ARX: variants seen among roughly 807,000 people sequenced by gnomAD.
ARX encodes the protein homeobox protein ARX.
In ARX, 1 loss-of-function variant was observed where a neutral mutation model predicts 23.1. The observed-to-expected ratio is 0.04, with a 90% CI of 0.02 to 0.21. The LOEUF (loss-of-function observed/expected upper bound fraction) is 0.21. Ranked by LOEUF, ARX falls within the 10% of genes least tolerant of loss-of-function variation. The probability of loss-of-function intolerance (pLI) is 1.00; values close to 1 mark genes in which losing one functional copy is unlikely to be tolerated. For missense variants in ARX, 380 were observed against 527.5 expected (o/e 0.72, Z 2.74); for synonymous variants, 301 against 270.1 (o/e 1.11, Z -1.12).
chrX:25,010,170 C>A, intron 3 of ARX, 90 bp downstream of exon 3: 1 of 913,572 alleles, frequency 1.1e-6, no homozygotes, highest in South Asian at 2.1e-5. Flanking sequence ...GGATCTCACC[C>A]CCCGCACCCC....
Position 25,013,946 on chromosome X carries a change from C to T in ARX, c.197-148G>A, listed in dbSNP as rs1055626868. 23 of 819,040 alleles carry T rather than the reference C, an allele frequency of 2.8e-5. No homozygotes were observed. The African/African-American group carries it at 4.6e-4, about 16-fold the overall frequency. 67.5% of individuals were successfully genotyped at this position (819,040 alleles called of 1,213,427 possible). A position where few individuals can be genotyped will look rare whatever the true frequency, so the allele number is the denominator to read the frequency against. Reference sequence around the variant, plus strand: ...CCACCAGACTTCGACGCCTTGGCCTCTTTCTCCACTTTTCTTGCTTTTTCT... The same window carrying T: ...CCACCAGACTTCGACGCCTTGGCCTTTTTCTCCACTTTTCTTGCTTTTTCT... On this transcript the variant is annotated intron_variant, in intron 1 of 4. Transcript: ENST00000379044.
rs191071034 is a variant in ARX at position 25,011,115 on chromosome X, C to G, written c.1074-810G>C. 1.1e-4 allele frequency among the ~76,000 whole-genome samples: 12 copies of G among 112,201 alleles called. 1 individual carries two copies. The highest frequency in any genetic ancestry group is 3.9e-4 in the African/African-American group (12 of 30,917). On this transcript the variant is annotated intron_variant, in intron 2 of 4. Transcript: ENST00000379044. ...ACAACCTGTTTACCGAAAATATGAC[C>G]GCGCCGAGAATAATTGGCCCTCCGG...
chrX:25,013,874 G>C (rs2048714405), intron 1 of ARX, 76 bp from the exon 2 acceptor site: 1 of 866,524 alleles, frequency 1.2e-6, no homozygotes, highest in African/African-American at 2.1e-5. Context: ...GGGCCCGCCC[G>C]CAGTTGCTCC....
chrX:25,012,909 C>A lies in ARX; in HGVS notation c.1073+13G>T. The A allele has an allele frequency of 8.3e-7, 1 of 1,202,897 alleles. No individual in the cohort carries two copies. The highest frequency in any genetic ancestry group is 1.1e-6 in the Non-Finnish European group (1 of 891,785). ...TCTCTGCCGCTGCGACCGCGACCAC[C>A]CTACGCGCATACCTGGTGAAGACGT... On this transcript the variant is annotated intron_variant, in intron 2 of 4. Coordinates refer to ENST00000379044, the MANE Select transcript of ARX (RefSeq NM_139058.3).
At position 25,007,159 on chromosome X, in the gene ARX, C is replaced by A. The variant is rs587783188; in HGVS notation, c.1400G>T (p.Gly467Val). ...GAPLGLSTFLGAAVFRHPAFI... is the reference protein window; with the variant it reads ...GAPLGLSTFLVAAVFRHPAFI... Reference sequence around the variant, plus strand: ...AGCTGGGTGTCGGAACACTGCCGCTCCGAGGAAAGTGCTCAGGCCCAGCGG... The same window carrying A: ...AGCTGGGTGTCGGAACACTGCCGCTACGAGGAAAGTGCTCAGGCCCAGCGG... Residue 467 changes from glycine to valine, a missense_variant, in exon 4 of 5, where the codon GGA becomes GTA. This residue lies in a region of ARX where 121 missense variants were observed against 169.7 expected (regional missense o/e 0.71). Transcript: ENST00000379044. The A allele has an allele frequency of 8.3e-7, 1 of 1,200,969 alleles. No homozygotes were observed. The highest frequency in any genetic ancestry group is 1.1e-6 in the Non-Finnish European group (1 of 890,948).
chrX:25,010,826 C>A (rs762686911), intron 2 of ARX, among the ~76,000 whole-genome samples: 1 of 110,905 alleles, frequency 9.0e-6, no homozygotes, highest in Non-Finnish European at 1.9e-5. Context: ...CCCTCCATCT[C>A]TCTCTCCCCC....
At chrX:25,007,554 C>G in intron 3 of ARX, 115 bp from the exon 4 acceptor site, 5 of 930,767 alleles carry the variant, frequency 5.4e-6, no homozygotes, top group Non-Finnish European at 7.1e-6. Context: ...CACCGCGGCC[C>G]GCGCCCACCT....
rs1048368184 is a variant in ARX at position 25,004,652 on chromosome X, G to A, written c.*18C>T. On this transcript the variant is annotated 3_prime_UTR_variant, in exon 5 of 5. Coordinates refer to ENST00000379044, the MANE Select transcript of ARX (RefSeq NM_139058.3). ...ACCTTTCGGGGCGCGCGCGGGGCGC[G>A]GGTGTGGAGGGCAGCCTTTAGCACA... The A allele has an allele frequency of 8.6e-7, 1 of 1,164,443 alleles. No individual in the cohort carries two copies. The highest frequency in any genetic ancestry group is 1.1e-6 in the Non-Finnish European group (1 of 872,702).
At chrX:25,010,412 C>T in intron 2 of ARX, 107 bp from the exon 3 acceptor site, 2 of 925,147 alleles carry the variant, frequency 2.2e-6, no homozygotes, top group African/African-American at 1.9e-5. Flanking sequence ...TCTCCCCTGG[C>T]TGCCTGCCCC....
In ARX at chrX:25,013,684, G is replaced by T; in HGVS notation, c.311C>A (p.Ala104Glu). ...TGCCGCCGCCGCCGCCGCCGCCGCCGCCGCCGCTGCCGCACCCTGAAGGAG... is the reference window on the plus strand; with the variant it reads ...TGCCGCCGCCGCCGCCGCCGCCGCCTCCGCCGCTGCCGCACCCTGAAGGAG... Reference protein sequence around the residue: ...GRLLQGAAAAAAAAAAAAAAA... With the variant: ...GRLLQGAAAAEAAAAAAAAAA... Residue 104 changes from alanine to glutamate, a missense_variant, in exon 2 of 5, where the codon GCG (alanine) becomes GAG (glutamate). Ala to Glu is a moderately radical substitution (Grantham distance 107, BLOSUM62 -1). Transcript: ENST00000379044. 1 of 854,812 alleles carries T rather than the reference G, an allele frequency of 1.2e-6. No individual in the cohort carries two copies. The allele number at this position is 854,812 out of a possible 1,213,427, so 70.4% of individuals were successfully genotyped here.
Position 25,004,886 on chromosome X carries a change from C to A in ARX, c.1473G>T (p.Leu491=). ...GCGCGGCCGCGGTCGACGCGCTGGT[C>A]AGGGGGGCCATTGTGGAAAAGAGCC... is the stretch of plus-strand genomic sequence containing the variant. ...FGRLFSTMAP[L]TSASTAAALL... The change falls in exon 5 of 5, where the codon CTG becomes CTT. Residue 491 remains leucine (L), a synonymous_variant. Coordinates refer to ENST00000379044, the MANE Select transcript of ARX (RefSeq NM_139058.3). The A allele has an allele frequency of 8.8e-7, 1 of 1,142,191 alleles. No individual in the cohort carries two copies. The allele number at this position is 1,142,191 out of a possible 1,213,427, so 94.1% of individuals were successfully genotyped here.
Position 25,013,370 on chromosome X carries a change from C to G in ARX, c.625G>C (p.Gly209Arg), listed in dbSNP as rs587783203. The G allele has an allele frequency of 8.1e-5, 92 of 1,137,997 alleles. No individual in the cohort carries two copies. Among genetic ancestry groups the G allele is most frequent in the Non-Finnish European group, 1.0e-4 (89 of 865,550 alleles). 93.8% of individuals were successfully genotyped at this position (1,137,997 alleles called of 1,213,427 possible). Residue 209 changes from glycine (G) to arginine (R), a missense_variant, in exon 2 of 5, where the codon GGC (glycine) becomes CGC (arginine). Around this residue, in one of 3 missense-constraint regions of ARX, gnomAD observed 235 missense variants for 270.2 expected, o/e 0.87. Transcript: ENST00000379044. ...GCAGCCGGGGCGCTGCCCGGGCCGC[C>G]GGCCACGCCGAGGCGCTCCTCCGGG... is the stretch of plus-strand genomic sequence containing the variant. Reference protein sequence around the residue: ...THPEERLGVAGGPGSAPAAGG... With the variant: ...THPEERLGVARGPGSAPAAGG...
Position 25,004,446 on chromosome X carries a change from A to G in ARX, c.*224T>C, listed in dbSNP as rs2048667565. On this transcript the variant is annotated 3_prime_UTR_variant, in exon 5 of 5. Transcript: ENST00000379044. ...TTGGAGTTGGAGCGAGGTTGGCAGT[A>G]GCAGGGGCAGGGGCAGGGGCGGGTG... 2.1e-6 allele frequency: 1 copy of G among 484,759 alleles called. No individual in the cohort carries two copies. Among genetic ancestry groups the G allele is most frequent in the South Asian group, 3.3e-5 (1 of 30,187 alleles). The allele number at this position is 484,759 out of a possible 1,213,427, so 39.9% of individuals were successfully genotyped here. A position where few individuals can be genotyped will look rare whatever the true frequency, so the allele number is the denominator to read the frequency against.
chrX:25,007,038 C>T, intron 4 of ARX, 73 bp downstream of exon 4: 1 of 1,110,711 alleles, frequency 9.0e-7, no homozygotes, highest in Non-Finnish European at 1.2e-6. Flanking sequence ...TTGACTCCTG[C>T]CTCCTCCCTG....
Position 25,007,251 on chromosome X carries a change from G to A in ARX, c.1308C>T (p.Ala436=). The change falls in exon 4 of 5, where the codon GCC becomes GCT. Residue 436 remains alanine, a synonymous_variant. Coordinates refer to ENST00000379044, the MANE Select transcript of ARX (RefSeq NM_139058.3). ...LDSAWTAAAA[A]AAAAFPSLPP... ...GTAGGCTCGGGAAGGCGGCGGCGGC[G>A]GCGGCGGCAGCGGCAGTCCAAGCGG... is the stretch of plus-strand genomic sequence containing the variant. 8.9e-7 allele frequency: 1 copy of A among 1,119,309 alleles called. No individual in the cohort carries two copies. The highest frequency in any genetic ancestry group is 1.2e-6 in the Non-Finnish European group (1 of 857,060). The allele number at this position is 1,119,309 out of a possible 1,213,427, so 92.2% of individuals were successfully genotyped here.
intron 1 of ARX, 64 bp from the exon 2 acceptor site, chrX:25,013,862 C>T (rs1158413998): frequency 4.6e-6 from 4 of 878,155 alleles, no homozygotes; most frequent in African/African-American, 4.2e-5. Flanking sequence ...GGGCTGCTGC[C>T]GGGGCCCGCC....
In ARX at chrX:25,004,784, T is replaced by C; in HGVS notation, c.1575A>G (p.Ala525=). The C allele has an allele frequency of 8.5e-7, 1 of 1,170,082 alleles. No homozygotes were observed. ...GALADPATAA[A]DRRASSIAAL... ...CGGCTATGCTAGAGGCGCGTCTGTC[T>C]GCGGCCGCCGTGGCCGGGTCGGCCA... is the stretch of plus-strand genomic sequence containing the variant. Residue 525 remains alanine, a synonymous_variant, in exon 5 of 5, where the codon GCA becomes GCG. Transcript: ENST00000379044.
chrX:25,013,890 T>C (rs1413772126), intron 1 of ARX, 92 bp from the exon 2 acceptor site: 1 of 853,403 alleles, frequency 1.2e-6, no homozygotes, highest in Non-Finnish European at 1.4e-6. Context: ...GCTCCCCCAG[T>C]GCCTAGGCCC....
At chrX:25,010,677 T>C (rs1160780873) in intron 2 of ARX, among the ~76,000 whole-genome samples, 1 of 111,877 alleles carries the variant, frequency 8.9e-6, no homozygotes, top group Non-Finnish European at 1.9e-5. Flanking sequence ...TACCCTGTTT[T>C]GTCCTAATAT....
Sources: allele counts gnomAD v4.1 joint callset (sites outside exome capture counted in the v4.1 genomes callset), GRCh38; gene constraint gnomAD v4.1.1; regional missense constraint gnomAD v4.1.1; transcripts MANE v1.5; gene names NCBI Gene and HGNC (gene_info 2026-07-23, HGNC 2026-07-21).